ZNF366: variants seen among roughly 807,000 people sequenced by gnomAD.
ZNF366 encodes the protein dendritic cell-specific transcript protein.
A neutral mutation model predicts 47.2 loss-of-function variants in ZNF366; 20 were observed. The observed-to-expected ratio is 0.42, with a 90% CI of 0.30 to 0.62. The LOEUF is 0.62. ZNF366 is among the 20% of genes least tolerant of loss of function. ZNF366 has a pLI of 0.16. For synonymous variants in ZNF366, 421 were observed against 395.1 expected (o/e 1.07, Z -0.78); for missense variants, 987 against 976.3 (o/e 1.01, Z -0.15).
intron 1 of ZNF366, among the ~76,000 whole-genome samples, chr5:72,466,052 G>A (rs1743422274): frequency 6.6e-6 from 1 of 152,176 alleles, no homozygotes; most frequent in Admixed American, 6.5e-5. Context: ...GTGGTTTGAT[G>A]CTGTCTAACA....
chr5:72,471,190 G>C (rs1296714026), intron 1 of ZNF366, among the ~76,000 whole-genome samples: 2 of 152,194 alleles, frequency 1.3e-5, no homozygotes, highest in African/African-American at 4.8e-5. Flanking sequence ...CTCATGGGCA[G>C]ATGGGTCTGT....
intron 1 of ZNF366, among the ~76,000 whole-genome samples, chr5:72,505,195 C>T (rs2112361514): frequency 6.6e-6 from 1 of 152,256 alleles, no homozygotes; most frequent in African/African-American, 2.4e-5. Context: ...CTCTGATGAC[C>T]CCCAAATAAT....
intron 1 of ZNF366, among the ~76,000 whole-genome samples, chr5:72,496,139 A>G (rs890620973): frequency 6.6e-6 from 1 of 152,056 alleles, no homozygotes; most frequent in Non-Finnish European, 1.5e-5. Context: ...AATTTACATG[A>G]TATACAATTC....
intron 2 of ZNF366, among the ~76,000 whole-genome samples, chr5:72,457,313 T>C (rs1743212156): frequency 6.6e-6 from 1 of 152,214 alleles, no homozygotes; most frequent in Admixed American, 6.5e-5. Context: ...AGGCCCTTAA[T>C]TGAGAGCATT....
At chr5:72,501,202 G>T (rs2112358411) in intron 1 of ZNF366, among the ~76,000 whole-genome samples, 1 of 152,326 alleles carries the variant, frequency 6.6e-6, no homozygotes, top group Admixed American at 6.5e-5. Flanking sequence ...CAGTGCCGTT[G>T]TTGGTAAATC....
In ZNF366 at chr5:72,447,301, G is replaced by C; in HGVS notation, c.1641C>G (p.Asn547Lys). ...GCTTGACTTTCATGTGGCGTGTCAG[G>C]TTCCCCTTCAGGGTGAATTTGCTTG... ...YCPSKFTLKG[N>K]LTRHMKVKHG... is the part of the protein sequence containing the mutation. Residue 547 changes from asparagine (N) to lysine (K), a missense_variant, in exon 4 of 5, where the codon AAC becomes AAG. Physicochemically the swap from Asn to Lys is moderately conservative, Grantham distance 94. Coordinates refer to ENST00000318442, the MANE Select transcript of ZNF366 (RefSeq NM_152625.3). 1 of 1,614,184 alleles carries C rather than the reference G, an allele frequency of 6.2e-7. No homozygotes were observed. Among genetic ancestry groups the C allele is most frequent in the Non-Finnish European group, 8.5e-7 (1 of 1,180,028 alleles).
chr5:72,444,374 G>T, intron 4 of ZNF366, 83 bp from the exon 5 acceptor site: 2 of 1,448,034 alleles, frequency 1.4e-6, no homozygotes, highest in Admixed American at 2.2e-5. Flanking sequence ...GCCCGGGGCC[G>T]TTTAATGTAT....
chr5:72,483,370 G>A (rs961829621), intron 1 of ZNF366, among the ~76,000 whole-genome samples: 2 of 152,056 alleles, frequency 1.3e-5, no homozygotes, highest in African/African-American at 4.8e-5. Context: ...TAATGCCCAG[G>A]CAACCCAGGG....
chr5:72,467,350 C>T lies in ZNF366; in HGVS notation c.-14-5840G>A, dbSNP rs187668860. Among the ~76,000 whole-genome samples, 15 of 152,236 alleles carry T rather than the reference C, an allele frequency of 9.9e-5. No individual in the cohort carries two copies. The East Asian group carries it at 2.3e-3, about 23-fold the overall frequency. On this transcript the variant is annotated intron_variant, in intron 1 of 4. Coordinates refer to ENST00000318442, the MANE Select transcript of ZNF366 (RefSeq NM_152625.3). Reference sequence around the variant, plus strand: ...GAGTTGGTTATAGAAATAGGGAAATCGGGAATGAATGAATTTTAAAACCAA... The same window carrying T: ...GAGTTGGTTATAGAAATAGGGAAATTGGGAATGAATGAATTTTAAAACCAA...
In ZNF366 at chr5:72,443,319, T is replaced by C. The variant is rs11951619; in HGVS notation, c.*437A>G. On this transcript the variant is annotated 3_prime_UTR_variant, in exon 5 of 5. Transcript: ENST00000318442. ...CTATTTTTATATATATGACGACTAA[T>C]ATTTTCATCTATATGGAAAATATTA... 5,279 of 155,504 alleles carry C rather than the reference T, an allele frequency of 0.034. 299 individuals are homozygous for C. The highest frequency in any genetic ancestry group is 0.12 in the African/African-American group (4,998 of 41,614). The allele number at this position is 155,504 out of a possible 1,614,324, so 9.6% of individuals were successfully genotyped here. A position where few individuals can be genotyped will look rare whatever the true frequency, so the allele number is the denominator to read the frequency against.
At chr5:72,488,875 C>A (rs1743948222) in intron 1 of ZNF366, among the ~76,000 whole-genome samples, 1 of 152,230 alleles carries the variant, frequency 6.6e-6, no homozygotes, top group African/African-American at 2.4e-5. Context: ...CCTAACTTCC[C>A]TAAGCCTCAA....
chr5:72,475,907 C>G (rs923660510), intron 1 of ZNF366, among the ~76,000 whole-genome samples: 2 of 152,120 alleles, frequency 1.3e-5, no homozygotes, highest in South Asian at 4.2e-4. Context: ...GAACAAGGAG[C>G]AGGATCTGTC....
chr5:72,484,255 C>T (rs1166584076), intron 1 of ZNF366, among the ~76,000 whole-genome samples: 1 of 151,950 alleles, frequency 6.6e-6, no homozygotes, highest in African/African-American at 2.4e-5. Context: ...GAGGCCGAGG[C>T]GGGCGGATCA....
At chr5:72,501,774 A>G (rs1332378894) in intron 1 of ZNF366, among the ~76,000 whole-genome samples, 2 of 152,242 alleles carry the variant, frequency 1.3e-5, no homozygotes, top group Non-Finnish European at 2.9e-5. Context: ...CGCCAAAAAC[A>G]ATTTGCAAAC....
chr5:72,484,496 A>T (rs998708432), intron 1 of ZNF366, among the ~76,000 whole-genome samples: 1 of 143,314 alleles, frequency 7.0e-6, no homozygotes, highest in African/African-American at 2.7e-5. Context: ...AAAAAAAAAA[A>T]ATAATAATAA....
chr5:72,484,463 G>A (rs1346892661), intron 1 of ZNF366, among the ~76,000 whole-genome samples: 1 of 142,186 alleles, frequency 7.0e-6, no homozygotes, highest in Non-Finnish European at 1.5e-5. Context: ...CAGCCTGGGC[G>A]ACAGAGCGAG....
chr5:72,466,673 T>C (rs1424578756), intron 1 of ZNF366, among the ~76,000 whole-genome samples: 1 of 152,248 alleles, frequency 6.6e-6, no homozygotes, highest in Admixed American at 6.5e-5. Flanking sequence ...GTTCTTGTTT[T>C]TAAAGTCTCC....
At chr5:72,460,134 C>G in intron 2 of ZNF366, 31 bp downstream of exon 2, 1 of 1,601,756 alleles carries the variant, frequency 6.2e-7, no homozygotes, top group South Asian at 1.1e-5. Flanking sequence ...TTCCCAAGGC[C>G]CCGTCCGCCC....
intron 1 of ZNF366, chr5:72,493,467 A>G (rs562476175): frequency 6.6e-6 from 1 of 152,358 alleles, no homozygotes; most frequent in East Asian, 1.9e-4. Flanking sequence ...TTTAACAATG[A>G]TGATCAATAC....
Sources: gnomAD v4.1 joint callset for allele counts (sites outside exome capture counted in the v4.1 genomes callset) on GRCh38, gnomAD v4.1.1 for gene constraint, MANE v1.5 for transcripts, NCBI Gene and HGNC (gene_info 2026-07-23, HGNC 2026-07-21) for gene names.